FNDC3B: variants seen among roughly 807,000 people sequenced by gnomAD.
FNDC3B encodes the protein fibronectin type III domain-containing protein 3B.
A neutral mutation model predicts 151.5 loss-of-function variants in FNDC3B; 12 were observed. That is an observed-to-expected ratio of 0.08 (90% CI 0.05 to 0.13). The LOEUF (loss-of-function observed/expected upper bound fraction) is 0.13. Among genes scored for constraint, FNDC3B ranks in the 10% least tolerant of loss-of-function variants. The pLI is 1.00. For missense variants in FNDC3B, 1,214 were observed against 1,505.3 expected, an observed-to-expected ratio of 0.81 and a Z score of 3.20; for synonymous variants, 528 against 549.0, an observed-to-expected ratio of 0.96 and a Z score of 0.54.
At chr3:172,342,943 C>A in intron 17 of FNDC3B, 68 bp from the exon 18 acceptor site, 1 of 945,922 alleles carries the variant, frequency 1.1e-6, no homozygotes, top group Non-Finnish European at 1.7e-6. Flanking sequence ...TGGAATTTGC[C>A]TGATATGTAG....
chr3:172,352,884 A>T lies in FNDC3B; in HGVS notation c.2596A>T (p.Thr866Ser). Reference sequence around the variant, plus strand: ...AGCGTCTGCCCCTGACCCCGTCTCCACTCTCTGTGTCCTGGAGGAGGAGCC... The same window carrying T: ...AGCGTCTGCCCCTGACCCCGTCTCCTCTCTCTGTGTCCTGGAGGAGGAGCC... The part of the protein sequence containing the change: ...TPASAPDPVS[T>S]LCVLEEEPLD... The change falls in exon 22 of 26, where the codon ACT becomes TCT. Residue 866 changes from threonine (T) to serine (S), a missense_variant. This residue lies in a region of FNDC3B where 380 missense variants were observed against 420.9 expected (regional missense o/e 0.90). Transcript: ENST00000415807. The surrounding 1 kb of genome is among the most constrained non-coding windows in gnomAD (Gnocchi z 4.2). 6.2e-7 allele frequency: 1 copy of T among 1,613,400 alleles called. No individual in the cohort carries two copies. The highest frequency in any genetic ancestry group is 8.5e-7 in the Non-Finnish European group (1 of 1,179,840).
rs1400462939 is a variant in FNDC3B, at chr3:172,352,044, GT to G, written c.2515-756del. On this transcript the variant is annotated intron_variant, in intron 21 of 25. Coordinates refer to ENST00000415807, the MANE Select transcript of FNDC3B (RefSeq NM_022763.4). This position sits in a 1 kb window ranked among gnomAD's most constrained non-coding sequence, Gnocchi z 4.2. Reference sequence around the variant, plus strand: ...TTGAGACAAGACGACATCTCCAAATGTTTGAGTAGAGGTAGAAAAGAGGAGG... The same window carrying G: ...TTGAGACAAGACGACATCTCCAAATGTTGAGTAGAGGTAGAAAAGAGGAGG... Among the ~76,000 whole-genome samples, 1 of 152,180 alleles carries G rather than the reference GT, an allele frequency of 6.6e-6. No individual in the cohort carries two copies. Among genetic ancestry groups the G allele is most frequent in the East Asian group, 1.9e-4 (1 of 5,196 alleles).
chr3:172,373,796 TTC>T (rs1734993871), intron 23 of FNDC3B, among the ~76,000 whole-genome samples: 3 of 152,332 alleles, frequency 2.0e-5, no homozygotes, highest in Middle Eastern at 3.4e-3. Context: ...AGAAGGAAGA[TTC>T]TCTCTTATTT....
intron 11 of FNDC3B, among the ~76,000 whole-genome samples, chr3:172,325,146 A>G (rs976531184): frequency 6.6e-6 from 1 of 152,226 alleles, no homozygotes; most frequent in Non-Finnish European, 1.5e-5. Context: ...AGGTCTGAAA[A>G]GTGTCAGGAT....
chr3:172,261,549 A>G (rs1728648002), intron 6 of FNDC3B, among the ~76,000 whole-genome samples: 1 of 152,214 alleles, frequency 6.6e-6, no homozygotes, highest in Admixed American at 6.5e-5. Context: ...TTGCTCAACC[A>G]GACACACAGT....
chr3:172,168,800 C>T (rs1247151471), intron 3 of FNDC3B, among the ~76,000 whole-genome samples: 7 of 150,204 alleles, frequency 4.7e-5, no homozygotes, highest in African/African-American at 1.7e-4. Context: ...GCAACCTCCG[C>T]TTCCCGGGTT....
intron 1 of FNDC3B, among the ~76,000 whole-genome samples, chr3:172,095,588 G>A (rs748300223): frequency 5.3e-5 from 8 of 152,226 alleles, no homozygotes; most frequent in South Asian, 2.1e-4. Context: ...ACATTTTTCC[G>A]TTAGATTATT....
intron 1 of FNDC3B, among the ~76,000 whole-genome samples, chr3:172,077,097 A>T (rs1052617312): frequency 2.0e-5 from 3 of 152,210 alleles, no homozygotes; most frequent in Non-Finnish European, 4.4e-5. Flanking sequence ...AATAGAATTC[A>T]TCAAGAAAGA....
chr3:172,142,794 G>C (rs986632705), intron 3 of FNDC3B, among the ~76,000 whole-genome samples: 4 of 152,198 alleles, frequency 2.6e-5, no homozygotes, highest in Non-Finnish European at 5.9e-5. Context: ...AAATACCAGA[G>C]ACCGGGTGGC....
chr3:172,337,427 T>C, intron 16 of FNDC3B, 26 bp downstream of exon 16: 1 of 1,422,610 alleles, frequency 7.0e-7, no homozygotes, highest in Non-Finnish European at 9.9e-7. Flanking sequence ...ATTGTTTTAT[T>C]CAAATCCAAT....
chr3:172,043,010 A>G (rs1291531377), intron 1 of FNDC3B, among the ~76,000 whole-genome samples: 1 of 151,510 alleles, frequency 6.6e-6, no homozygotes, highest in East Asian at 2.0e-4. Flanking sequence ...CGCCTCCCGG[A>G]TTCAAGCGAT....
chr3:172,205,584 T>C (rs1725383071), intron 3 of FNDC3B, among the ~76,000 whole-genome samples: 2 of 152,208 alleles, frequency 1.3e-5, no homozygotes, highest in Admixed American at 1.3e-4. Flanking sequence ...GGCCCCAGTA[T>C]CTGCCACAAT....
chr3:172,205,941 T>TTG (rs998018081), intron 3 of FNDC3B, among the ~76,000 whole-genome samples: 11 of 152,210 alleles, frequency 7.2e-5, no homozygotes, highest in Non-Finnish European at 2.9e-5. Flanking sequence ...ATTTTAAACT[T>TTG]AAAGTCAACC....
At chr3:172,066,192 G>A (rs1717487909) in intron 1 of FNDC3B, among the ~76,000 whole-genome samples, 1 of 152,192 alleles carries the variant, frequency 6.6e-6, no homozygotes, top group South Asian at 2.1e-4. Context: ...ATGATTCTGT[G>A]GTTGCTAGGG....
At chr3:172,080,337 A>ACTAG (rs895266596) in intron 1 of FNDC3B, among the ~76,000 whole-genome samples, 1 of 151,880 alleles carries the variant, frequency 6.6e-6, no homozygotes, top group Non-Finnish European at 1.5e-5. Flanking sequence ...GTGGCATGAT[A>ACTAG]CTAGCTCACT....
chr3:172,181,218 G>C (rs1047734622), intron 3 of FNDC3B, among the ~76,000 whole-genome samples: 1 of 151,436 alleles, frequency 6.6e-6, no homozygotes, highest in Non-Finnish European at 1.5e-5. Flanking sequence ...TGGATACCAC[G>C]ATGAAACCCT....
intron 1 of FNDC3B, among the ~76,000 whole-genome samples, chr3:172,093,791 A>G (rs1045108628): frequency 5.3e-5 from 8 of 152,200 alleles, no homozygotes; most frequent in African/African-American, 1.9e-4. Flanking sequence ...GAATTTCGTG[A>G]GAATACACAC....
At chr3:172,138,110 C>T (rs1721461132) in intron 3 of FNDC3B, among the ~76,000 whole-genome samples, 1 of 152,226 alleles carries the variant, frequency 6.6e-6, no homozygotes, top group Non-Finnish European at 1.5e-5. Context: ...AAACAAACAT[C>T]ATGCTTCCTT....
intron 3 of FNDC3B, among the ~76,000 whole-genome samples, chr3:172,208,437 T>C (rs1355154892): frequency 5.9e-5 from 9 of 152,190 alleles, no homozygotes; most frequent in Non-Finnish European, 1.0e-4. Flanking sequence ...TTAGGGGGCA[T>C]GAGTATATCG....
Sources: gnomAD v4.1 joint callset for allele counts (sites outside exome capture counted in the v4.1 genomes callset) on GRCh38, gnomAD v4.1.1 for gene constraint, gnomAD v4.1.1 regional missense constraint, Gnocchi (gnomAD v3.1) non-coding constraint, MANE v1.5 for transcripts, NCBI Gene and HGNC (gene_info 2026-07-23, HGNC 2026-07-21) for gene names.